The following G6PC3 variants were observed in gnomAD, a reference collection of about 807,000 sequenced individuals.
G6PC3 encodes the protein glucose-6-phosphatase catalytic subunit 3, also known as glucose-6-phosphatase 3.
Under a neutral mutation model 38.6 loss-of-function variants are expected in G6PC3, and 30 were observed. The observed-to-expected ratio is 0.78, with a 90% confidence interval of 0.58 to 1.05. The LOEUF (loss-of-function observed/expected upper bound fraction) is 1.05, where lower values mean the gene tolerates loss of function less well. G6PC3 is among the 50% of genes least tolerant of loss of function. G6PC3 has a pLI of 0.00. For missense variants in G6PC3, 377 were observed against 443.1 expected (o/e 0.85, Z 1.34); for synonymous variants, 192 against 178.1 (o/e 1.08, Z -0.62).
intron 1 of G6PC3, chr17:44,071,401 T>G (rs2049976372): frequency 1.3e-6 from 1 of 783,054 alleles, no homozygotes; most frequent in African/African-American, 1.7e-5. Flanking sequence ...CAAACTGGTC[T>G]GATGGAAAAA....
chr17:44,074,148 G>T lies in G6PC3; in HGVS notation c.219-12G>T. On this transcript the variant is annotated splice_polypyrimidine_tract_variant and intron_variant, in intron 1 of 5. Transcript: ENST00000269097. ...GCATGTGGAAAGTCATCTTGCATCT[G>T]TTCTCTTCCAGGTTTCTTTTTGGAG... 1 of 1,591,558 alleles carries T rather than the reference G, an allele frequency of 6.3e-7. No individual in the cohort carries two copies. The highest frequency in any genetic ancestry group is 8.6e-7 in the Non-Finnish European group (1 of 1,159,422).
At chr17:44,073,525 A>G (rs1322883198) in intron 1 of G6PC3, 1 of 154,654 alleles carries the variant, frequency 6.5e-6, no homozygotes, top group Non-Finnish European at 1.4e-5. Context: ...CAATGGCACA[A>G]TCACAGCTCA....
Position 44,076,257 on chromosome 17 carries a change from G to A in G6PC3, c.*214G>A. ...CTGCCTTTCCTCTCAAGCCCCCAAA[G>A]AGCAAAGGCAACAGCAAGACCAGCG... On this transcript the variant is annotated 3_prime_UTR_variant, in exon 6 of 6. Transcript: ENST00000269097. The A allele has an allele frequency of 2.7e-6, 2 of 739,402 alleles. No individual in the cohort carries two copies. Among genetic ancestry groups the A allele is most frequent in the East Asian group, 2.6e-5 (1 of 38,534 alleles). 45.8% of individuals were successfully genotyped at this position (739,402 alleles called of 1,614,324 possible).
At position 44,070,970 on chromosome 17, in the gene G6PC3, A is replaced by G. The variant is rs2049966069; in HGVS notation, c.5A>G (p.Glu2Gly). The change falls in exon 1 of 6, where the codon GAG becomes GGG. Residue 2 changes from glutamate to glycine, a missense_variant. By Grantham distance (98) the Glu-to-Gly change is moderately conservative (BLOSUM62 -2). Coordinates refer to ENST00000269097, the MANE Select transcript of G6PC3 (RefSeq NM_138387.4). M[E>G]STLGAGIVIA... ...CTGGTCGGCAGCTGGGCCGCCATGG[A>G]GTCCACGCTGGGCGCGGGCATCGTG... The G allele has an allele frequency of 6.4e-7, 1 of 1,551,802 alleles. No individual in the cohort carries two copies. The highest frequency in any genetic ancestry group is 8.7e-7 in the Non-Finnish European group (1 of 1,147,596).
Position 44,074,238 on chromosome 17 carries a change from G to T in G6PC3, c.297G>T (p.Gln99His). ...YYSQAPAQVH[Q>H]FPSSCETGPG... ...GCCAGGCTCCAGCCCAGGTTCACCA[G>T]TTCCCCTCTTCTTGTGAGACTGGTC... is the stretch of plus-strand genomic sequence containing the variant. The change falls in exon 2 of 6, where the codon CAG becomes CAT. Residue 99 changes from glutamine to histidine, a missense_variant. Coordinates refer to ENST00000269097, the MANE Select transcript of G6PC3 (RefSeq NM_138387.4). 6.2e-7 allele frequency: 1 copy of T among 1,613,942 alleles called. No homozygotes were observed. Among genetic ancestry groups the T allele is most frequent in the East Asian group, 2.2e-5 (1 of 44,886 alleles).
rs1484967961 is a variant in G6PC3 at position 44,071,158 on chromosome 17, G to T, written c.193G>T (p.Glu65Ter). The T allele has an allele frequency of 6.2e-7, 1 of 1,613,734 alleles. No individual in the cohort carries two copies. The highest frequency in any genetic ancestry group is 8.5e-7 in the Non-Finnish European group (1 of 1,179,960). ...GGTGCTCTGGATCAGCCTCATCACC[G>T]AGTGGCTCAACCTCATCTTCAAGTG... The part of the protein sequence containing the change: ...IAVLWISLIT[E>*]WLNLIFKWFL... Residue 65 changes from glutamate (E) to a stop codon, truncating the protein, a stop_gained, in exon 1 of 6, where the codon GAG becomes TAG. Coordinates refer to ENST00000269097, the MANE Select transcript of G6PC3 (RefSeq NM_138387.4). LOFTEE classifies it high-confidence loss of function.
intron 1 of G6PC3, chr17:44,073,939 GA>G (rs141277112): frequency 1.5e-3 from 745 of 499,794 alleles, no homozygotes; most frequent in East Asian, 2.3e-3. Flanking sequence ...TGAGGGTTAG[GA>G]AAAAAAAAAG....
rs1217519945 is a variant in G6PC3, at chr17:44,071,197, GC to G, written c.218+17del. On this transcript the variant is annotated intron_variant, in intron 1 of 5. Transcript: ENST00000269097. ...CATCTTCAAGTGGTGAGACAGAGAAGCCCTCCGGCATCCTGGTCCCCACCCC... is the reference window on the plus strand; with the variant it reads ...CATCTTCAAGTGGTGAGACAGAGAAGCCTCCGGCATCCTGGTCCCCACCCC... The G allele has an allele frequency of 1.9e-6, 3 of 1,610,430 alleles. No homozygotes were observed. The highest frequency in any genetic ancestry group is 2.5e-6 in the Non-Finnish European group (3 of 1,179,028).
rs375162061 is a variant in G6PC3 at position 44,071,015 on chromosome 17, A to C, written c.50A>C (p.Asn17Thr). ...ATCGTGATAGCCGAGGCGCTACAGAACCAGCTAGCCTGGCTGGAGAACGTG... is the reference window on the plus strand; with the variant it reads ...ATCGTGATAGCCGAGGCGCTACAGACCCAGCTAGCCTGGCTGGAGAACGTG... ...AGIVIAEALQ[N>T]QLAWLENVWL... is the part of the protein sequence containing the mutation. The change falls in exon 1 of 6, where the codon AAC (asparagine) becomes ACC (threonine). Residue 17 changes from asparagine to threonine, a missense_variant. Asn to Thr is a moderately conservative substitution (Grantham distance 65). Coordinates refer to ENST00000269097, the MANE Select transcript of G6PC3 (RefSeq NM_138387.4). 5.9e-5 allele frequency: 93 copies of C among 1,574,898 alleles called. No homozygotes were observed. In the African/African-American group the frequency reaches 1.2e-3, roughly 20 times the overall value.
At chr17:44,072,077 C>G (rs1311903888) in intron 1 of G6PC3, 1 of 221,778 alleles carries the variant, frequency 4.5e-6, no homozygotes, top group Non-Finnish European at 9.4e-6. Context: ...GCTGGAATGA[C>G]TTGCTGAAAA....
At chr17:44,074,343 G>T (rs753535837) in intron 2 of G6PC3, 77 bp downstream of exon 2, 18 of 1,189,894 alleles carry the variant, frequency 1.5e-5, no homozygotes, top group Non-Finnish European at 2.1e-5. Context: ...TTTTCAGCCT[G>T]GGTGGCCCAA....
chr17:44,071,438 A>G, intron 1 of G6PC3: 2 of 653,670 alleles, frequency 3.1e-6, no homozygotes, highest in African/African-American at 1.8e-5. Flanking sequence ...TCTAAAATGT[A>G]AATATCCCAT....
At chr17:44,074,108 C>T (rs144280747) in intron 1 of G6PC3, 52 bp from the exon 2 acceptor site, 35 of 1,285,072 alleles carry the variant, frequency 2.7e-5, no homozygotes, top group African/African-American at 1.8e-4. Flanking sequence ...CCTTGTACCC[C>T]CCCTGGCTGT....
At chr17:44,073,620 C>A (rs939737192) in intron 1 of G6PC3, 1 of 173,786 alleles carries the variant, frequency 5.8e-6, no homozygotes, top group African/African-American at 2.4e-5. Flanking sequence ...CCCCAAGATG[C>A]CTGGCTAATT....
In G6PC3 at chr17:44,076,219, G is replaced by A. The variant is rs1390699060; in HGVS notation, c.*176G>A. 5 of 907,748 alleles carry A rather than the reference G, an allele frequency of 5.5e-6. No individual in the cohort carries two copies. Among genetic ancestry groups the A allele is most frequent in the Non-Finnish European group, 9.0e-6 (5 of 555,022 alleles). 56.2% of individuals were successfully genotyped at this position (907,748 alleles called of 1,614,324 possible). The stretch of plus-strand genomic sequence containing the variant: ...GATGGGCCTTCTCTCTCCCAGATAA[G>A]TTGGTCCTCCCTCTGCCTTTCCTCT... On this transcript the variant is annotated 3_prime_UTR_variant, in exon 6 of 6. Coordinates refer to ENST00000269097, the MANE Select transcript of G6PC3 (RefSeq NM_138387.4).
At chr17:44,075,243 T>C in intron 4 of G6PC3, 67 bp from the exon 5 acceptor site, 1 of 1,601,522 alleles carries the variant, frequency 6.2e-7, no homozygotes, top group Non-Finnish European at 8.5e-7. Flanking sequence ...GCACTGCAGC[T>C]GGGGGTCGGG....
chr17:44,075,530 A>C, intron 5 of G6PC3, 79 bp downstream of exon 5: 1 of 1,604,946 alleles, frequency 6.2e-7, no homozygotes, highest in Non-Finnish European at 8.5e-7. Flanking sequence ...TCTCTGGTTC[A>C]TTATAGCTAA....
At chr17:44,072,735 T>C (rs1488150392) in intron 1 of G6PC3, 1 of 150,208 alleles carries the variant, frequency 6.7e-6, no homozygotes, top group Non-Finnish European at 1.5e-5. Flanking sequence ...TCTCTCAGGT[T>C]CAAGAGATTC....
chr17:44,072,674 T>A (rs1200355132), intron 1 of G6PC3: 2 of 147,664 alleles, frequency 1.4e-5, no homozygotes, highest in Non-Finnish European at 3.0e-5. Flanking sequence ...CTTGCTCTGT[T>A]GCCCAGGCTG....
Sources: allele counts gnomAD v4.1 joint callset, GRCh38; gene constraint gnomAD v4.1.1; transcripts MANE v1.5; gene names NCBI Gene and HGNC (gene_info 2026-07-23, HGNC 2026-07-21).